Variants in DLEC1 observed in about 807,000 individuals in gnomAD.
DLEC1 encodes DLEC1 cilia and flagella associated protein.
In DLEC1, 146 loss-of-function variants were observed where a neutral mutation model predicts 198.1. The observed-to-expected ratio is 0.74, with a 90% confidence interval of 0.64 to 0.85. The LOEUF is 0.85. DLEC1 is among the 40% of genes least tolerant of loss of function. The pLI is 0.00. For missense variants in DLEC1, 2,233 were observed against 2,220.0 expected (o/e 1.01, Z -0.12); for synonymous variants, 897 against 866.8 (o/e 1.03, Z -0.61).
chr3:38,074,540 G>A (rs1697501661), intron 6 of DLEC1, among the ~76,000 whole-genome samples: 2 of 152,212 alleles, frequency 1.3e-5, no homozygotes, highest in Non-Finnish European at 2.9e-5. Context: ...AGAATTAACA[G>A]CTTTGTAAGC....
chr3:38,109,764 C>T, intron 22 of DLEC1: 1 of 905,798 alleles, frequency 1.1e-6, no homozygotes, highest in South Asian at 1.8e-5. Context: ...GTGTGGTCTC[C>T]CCACACACAC....
intron 18 of DLEC1, among the ~76,000 whole-genome samples, chr3:38,098,745 T>C (rs944817556): frequency 2.0e-5 from 3 of 152,232 alleles, no homozygotes; most frequent in Non-Finnish European, 2.9e-5. Flanking sequence ...ATTTTGCTAG[T>C]GTGCATTCCC....
At chr3:38,048,551 TTTTC>T (rs1379061988) in intron 2 of DLEC1, among the ~76,000 whole-genome samples, 1 of 152,196 alleles carries the variant, frequency 6.6e-6, no homozygotes, top group African/African-American at 2.4e-5. Flanking sequence ...GTAAGGTAGG[TTTTC>T]TTTCTATCTT....
At chr3:38,040,807 T>C (rs1559386321) in intron 1 of DLEC1, among the ~76,000 whole-genome samples, 1 of 152,210 alleles carries the variant, frequency 6.6e-6, no homozygotes, top group Non-Finnish European at 1.5e-5. Flanking sequence ...TGGCAAATAG[T>C]GATCCCTTTT....
intron 6 of DLEC1, among the ~76,000 whole-genome samples, chr3:38,079,201 C>T: frequency 6.6e-6 from 1 of 151,952 alleles, no homozygotes; most frequent in Non-Finnish European, 1.5e-5. Flanking sequence ...TAGCTGTAAT[C>T]CAGGAATAGT....
chr3:38,046,848 GA>G (rs34093640), intron 2 of DLEC1, among the ~76,000 whole-genome samples: 49,181 of 151,950 alleles, frequency 0.32, 8,220 homozygotes, highest in East Asian at 0.56. Context: ...GTCTCTTTTT[GA>G]GATGCCTTCA....
rs965084695 is a variant in DLEC1, at chr3:38,108,447, C to T, written c.3061C>T (p.Pro1021Ser). Reference protein sequence around the residue: ...QAEFCMVTVSPKHGLLGPSEE... With the variant: ...QAEFCMVTVSSKHGLLGPSEE... ...AGAATTCTGCATGGTGACAGTCTCC[C>T]CCAAACATGGCCTGCTGGGCCCAAG... Residue 1021 changes from proline to serine, a missense_variant, in exon 21 of 37, where the codon CCC becomes TCC. Coordinates refer to ENST00000308059, the MANE Select transcript of DLEC1 (RefSeq NM_007335.4). 1.9e-6 allele frequency: 3 copies of T among 1,614,194 alleles called. No individual in the cohort carries two copies. Among genetic ancestry groups the T allele is most frequent in the Non-Finnish European group, 2.5e-6 (3 of 1,180,024 alleles).
At chr3:38,060,363 G>C (rs764656664) in intron 3 of DLEC1, among the ~76,000 whole-genome samples, 1 of 152,166 alleles carries the variant, frequency 6.6e-6, no homozygotes, top group Non-Finnish European at 1.5e-5. Flanking sequence ...AATGAGTGGG[G>C]TGGGAGGCTG....
At chr3:38,061,432 C>T (rs1696679879) in intron 3 of DLEC1, among the ~76,000 whole-genome samples, 1 of 152,140 alleles carries the variant, frequency 6.6e-6, no homozygotes, top group Non-Finnish European at 1.5e-5. Flanking sequence ...CCGCCGGCCT[C>T]AGCCTCCCAA....
intron 8 of DLEC1, among the ~76,000 whole-genome samples, chr3:38,085,989 G>T (rs558897068): frequency 6.6e-6 from 1 of 152,332 alleles, no homozygotes; most frequent in South Asian, 2.1e-4. Flanking sequence ...TCCACAATGG[G>T]CACTGACTTC....
chr3:38,077,321 G>A (rs2125647662), intron 6 of DLEC1, among the ~76,000 whole-genome samples: 1 of 152,278 alleles, frequency 6.6e-6, no homozygotes, highest in South Asian at 2.1e-4. Context: ...TGTTTTTGGG[G>A]CACAGTCTAA....
At chr3:38,072,069 A>C (rs746639175) in intron 6 of DLEC1, among the ~76,000 whole-genome samples, 26 of 152,302 alleles carry the variant, frequency 1.7e-4, no homozygotes, top group Non-Finnish European at 3.1e-4. Context: ...GTGAGAAACA[A>C]GGAAGAAGGA....
At chr3:38,086,486 G>GCCA in intron 9 of DLEC1, 109 bp downstream of exon 9, 2 of 1,440,258 alleles carry the variant, frequency 1.4e-6, no homozygotes, top group Non-Finnish European at 1.9e-6. Context: ...ACAGAACGCA[G>GCCA]AGTGTTGTAA....
chr3:38,070,857 G>A (rs1697278608), intron 6 of DLEC1, among the ~76,000 whole-genome samples: 1 of 152,182 alleles, frequency 6.6e-6, no homozygotes, highest in Non-Finnish European at 1.5e-5. Flanking sequence ...TGATTCTTTA[G>A]TTACTTCAGG....
intron 6 of DLEC1, among the ~76,000 whole-genome samples, chr3:38,066,908 A>G (rs1301235334): frequency 6.6e-6 from 1 of 152,248 alleles, no homozygotes; most frequent in Non-Finnish European, 1.5e-5. Flanking sequence ...GTGTCTGGCC[A>G]TCACGTTTTA....
intron 34 of DLEC1, among the ~76,000 whole-genome samples, chr3:38,121,361 C>G (rs1700450373): frequency 6.6e-6 from 1 of 152,236 alleles, no homozygotes; most frequent in Non-Finnish European, 1.5e-5. Flanking sequence ...CAGAGCCCAA[C>G]CAGCCAGGGT....
At chr3:38,083,390 C>T (rs571902402) in intron 6 of DLEC1, among the ~76,000 whole-genome samples, 28 of 151,602 alleles carry the variant, frequency 1.8e-4, no homozygotes, top group Admixed American at 3.9e-4. Context: ...GCAAAGTACT[C>T]AGTGGGGGAG....
Position 38,062,073 on chromosome 3 carries a change from G to A in DLEC1, c.674-96G>A, listed in dbSNP as rs557484558. On this transcript the variant is annotated intron_variant, in intron 3 of 36. Coordinates refer to ENST00000308059, the MANE Select transcript of DLEC1 (RefSeq NM_007335.4). ...TATGAAAGTTTAGGAGAAAGATCAA[G>A]CTAACTGTGGCTTTGGTGGTTTTAT... The A allele has an allele frequency of 3.2e-6, 4 of 1,236,066 alleles. No homozygotes were observed. The African/African-American group carries it at 5.9e-5, about 18-fold the overall frequency. The allele number at this position is 1,236,066 out of a possible 1,614,324, so 76.6% of individuals were successfully genotyped here.
intron 19 of DLEC1, 141 bp from the exon 20 acceptor site, chr3:38,107,443 C>T (rs1388200305): frequency 1.4e-5 from 12 of 829,932 alleles, no homozygotes; most frequent in East Asian, 9.0e-5. Context: ...GAAACTTTGC[C>T]GAACCCACTC....
Sources: allele counts gnomAD v4.1 joint callset (sites outside exome capture counted in the v4.1 genomes callset), GRCh38; gene constraint gnomAD v4.1.1; transcripts MANE v1.5; gene names NCBI Gene and HGNC (gene_info 2026-07-23, HGNC 2026-07-21).